The following KLHL4 variants were observed in gnomAD, a reference collection of about 807,000 sequenced individuals.
The protein encoded by KLHL4 is kelch-like protein 4.
KLHL4 carries 17 observed loss-of-function variants against 45.8 expected under a neutral mutation model. The ratio of observed to expected loss-of-function variants is 0.37; its 90% CI spans 0.25 to 0.56. The LOEUF (loss-of-function observed/expected upper bound fraction) is 0.56, where lower values mean the gene tolerates loss of function less well. Among genes scored for constraint, KLHL4 ranks in the 20% least tolerant of loss-of-function variants. KLHL4 has a pLI of 0.79. For missense variants in KLHL4, 544 were observed against 544.9 expected, an observed-to-expected ratio of 1.00 and a Z score of 0.02; for synonymous variants, 224 against 189.9, an observed-to-expected ratio of 1.18 and a Z score of -1.47.
chrX:87,577,947 A>T (rs1921150273), intron 1 of KLHL4, among the ~76,000 whole-genome samples: 1 of 111,729 alleles, frequency 9.0e-6, no homozygotes, highest in Non-Finnish European at 1.9e-5. Flanking sequence ...AAATTAATTG[A>T]TATTACTTTG....
Position 87,571,222 on chromosome X carries a change from A to C in KLHL4, c.423-42655A>C, listed in dbSNP as rs748550488. ...TTTAATCAATTCGTATGCATTTTAT[A>C]GTTTTAGAACATTGAATATAGTTTC... On this transcript the variant is annotated intron_variant, in intron 1 of 10. Transcript: ENST00000373119. 3.6e-5 allele frequency among the ~76,000 whole-genome samples: 4 copies of C among 110,905 alleles called. No homozygotes were observed. The East Asian group carries it at 1.1e-3, about 31-fold the overall frequency.
intron 10 of KLHL4, 28 bp downstream of exon 10, chrX:87,664,963 T>C (rs1440955457): frequency 1.0e-6 from 1 of 964,560 alleles, no homozygotes; most frequent in Non-Finnish European, 1.4e-6. Context: ...TTCAAATTAC[T>C]ATATTTCAGG....
At chrX:87,599,162 A>G (rs945257916) in intron 1 of KLHL4, among the ~76,000 whole-genome samples, 1 of 110,544 alleles carries the variant, frequency 9.0e-6, no homozygotes, top group Non-Finnish European at 1.9e-5. Flanking sequence ...TTTTGACTAC[A>G]TGACTTGTCT....
rs1232988385 is a variant in KLHL4 at position 87,640,364 on chromosome X, C to T, written c.1925+4589C>T. On this transcript the variant is annotated intron_variant, in intron 9 of 10. Coordinates refer to ENST00000373119, the MANE Select transcript of KLHL4 (RefSeq NM_019117.5). Reference sequence around the variant, plus strand: ...TGTGAAGCCAGTATCATCCTGATACCAAAACCAGGAAAGGACATAACAAAA... The same window carrying T: ...TGTGAAGCCAGTATCATCCTGATACTAAAACCAGGAAAGGACATAACAAAA... Among the ~76,000 whole-genome samples, 3 of 111,158 alleles carry T rather than the reference C, an allele frequency of 2.7e-5. No homozygotes were observed. The Admixed American group carries it at 2.9e-4, about 11-fold the overall frequency.
intron 1 of KLHL4, among the ~76,000 whole-genome samples, chrX:87,576,222 A>G (rs1921097067): frequency 8.9e-6 from 1 of 111,795 alleles, no homozygotes; most frequent in South Asian, 3.7e-4. Flanking sequence ...ATAGCCAAAA[A>G]GAGAAATAAT....
intron 3 of KLHL4, among the ~76,000 whole-genome samples, chrX:87,617,572 A>G (rs1360888079): frequency 8.9e-6 from 1 of 111,973 alleles, no homozygotes; most frequent in East Asian, 2.8e-4. Context: ...TTAAAATTGT[A>G]TGTGTTTAAG....
At chrX:87,523,855 C>T (rs371738563) in intron 1 of KLHL4, among the ~76,000 whole-genome samples, 115 of 110,512 alleles carry the variant, frequency 1.0e-3, no homozygotes, top group African/African-American at 3.4e-3. Context: ...CCCAGCTACT[C>T]GGGAGGCTGA....
chrX:87,656,676 T>C (rs1407738641), intron 9 of KLHL4, among the ~76,000 whole-genome samples: 2 of 110,794 alleles, frequency 1.8e-5, no homozygotes, highest in Non-Finnish European at 3.8e-5. Flanking sequence ...TTTTGAATTA[T>C]TTATCTGAAA....
At chrX:87,569,871 G>A (rs1932297786) in intron 1 of KLHL4, among the ~76,000 whole-genome samples, 1 of 111,261 alleles carries the variant, frequency 9.0e-6, no homozygotes, top group South Asian at 3.7e-4. Flanking sequence ...TCCTTTTGAG[G>A]TGGTGAAAAT....
chrX:87,603,081 G>T (rs1376713752), intron 1 of KLHL4, among the ~76,000 whole-genome samples: 1 of 111,521 alleles, frequency 9.0e-6, no homozygotes, highest in Non-Finnish European at 1.9e-5. Flanking sequence ...GGGAATTATG[G>T]GGCAGAAGGC....
At chrX:87,664,135 C>A (rs1924288151) in intron 9 of KLHL4, among the ~76,000 whole-genome samples, 1 of 111,196 alleles carries the variant, frequency 9.0e-6, no homozygotes, top group Non-Finnish European at 1.9e-5. Flanking sequence ...AATTATTTTT[C>A]ATTTTGCTTA....
At chrX:87,584,372 C>T (rs1921388904) in intron 1 of KLHL4, among the ~76,000 whole-genome samples, 1 of 111,806 alleles carries the variant, frequency 8.9e-6, no homozygotes, top group Non-Finnish European at 1.9e-5. Context: ...AAATAAGGTA[C>T]CAGGGACCAA....
At position 87,541,490 on chromosome X, in the gene KLHL4, C is replaced by CAAA. The variant is rs1491259195; in HGVS notation, c.422+23176_422+23177insAAA. ...TGGGTGACAGAGAGAGACTCCATCT[C>CAAA]ACAAAAAAAAAAAAAAAAAAAAAAG... On this transcript the variant is annotated intron_variant, in intron 1 of 10. Transcript: ENST00000373119. Among the ~76,000 whole-genome samples, 34 of 63,889 alleles carry CAAA rather than the reference C, an allele frequency of 5.3e-4. 2 individuals are homozygous for CAAA. The highest frequency in any genetic ancestry group is 1.2e-3 in the South Asian group (1 of 816). The allele number at this position is 63,889 out of a possible 115,157, so 55.5% of individuals were successfully genotyped here. A position where few individuals can be genotyped will look rare whatever the true frequency, so the allele number is the denominator to read the frequency against.
At chrX:87,659,349 A>T (rs1423177720) in intron 9 of KLHL4, among the ~76,000 whole-genome samples, 1 of 109,255 alleles carries the variant, frequency 9.2e-6, no homozygotes, top group Non-Finnish European at 1.9e-5. Flanking sequence ...TGAACTCCTG[A>T]TCTTGTGATC....
In KLHL4 at chrX:87,658,477, C is replaced by T. The variant is rs1231814546; in HGVS notation, c.1926-6287C>T. ...TGCTGCTACCCCTTCTCAAGGTCTCCCCACTGCTCCCAACATCAGATTCAG... is the reference window on the plus strand; with the variant it reads ...TGCTGCTACCCCTTCTCAAGGTCTCTCCACTGCTCCCAACATCAGATTCAG... On this transcript the variant is annotated intron_variant, in intron 9 of 10. Coordinates refer to ENST00000373119, the MANE Select transcript of KLHL4 (RefSeq NM_019117.5). Among the ~76,000 whole-genome samples the T allele has an allele frequency of 1.1e-4, 12 of 111,333 alleles. No homozygotes were observed. The South Asian group carries it at 3.4e-3, about 32-fold the overall frequency.
intron 1 of KLHL4, among the ~76,000 whole-genome samples, chrX:87,558,074 T>A (rs1455932541): frequency 8.9e-6 from 1 of 112,172 alleles, no homozygotes; most frequent in African/African-American, 3.2e-5. Context: ...TTACTGTTTC[T>A]CAGTTTTCTA....
chrX:87,554,036 G>A (rs1415889441), intron 1 of KLHL4, among the ~76,000 whole-genome samples: 13 of 105,044 alleles, frequency 1.2e-4, no homozygotes, highest in East Asian at 6.2e-4. Context: ...GTAGATATGC[G>A]GCATTATTTC....
intron 1 of KLHL4, among the ~76,000 whole-genome samples, chrX:87,579,669 G>A (rs1921210754): frequency 8.9e-6 from 1 of 111,807 alleles, no homozygotes; most frequent in Non-Finnish European, 1.9e-5. Flanking sequence ...AGGACATAAG[G>A]TAGTAGGATG....
At chrX:87,624,326 T>C (rs372678454) in intron 5 of KLHL4, among the ~76,000 whole-genome samples, 1 of 112,054 alleles carries the variant, frequency 8.9e-6, no homozygotes, top group South Asian at 3.7e-4. Context: ...CAAAAGAATT[T>C]AAAAGGTGAC....
Sources: gnomAD v4.1 joint callset for allele counts (sites outside exome capture counted in the v4.1 genomes callset) on GRCh38, gnomAD v4.1.1 for gene constraint, MANE v1.5 for transcripts, NCBI Gene and HGNC (gene_info 2026-07-23, HGNC 2026-07-21) for gene names.